The following DLGAP2 variants were observed in gnomAD, a reference collection of about 807,000 sequenced individuals.
The protein encoded by DLGAP2 is DLG associated protein 2, also known as disks large-associated protein 2.
In DLGAP2, 26 loss-of-function variants were observed where a neutral mutation model predicts 100.3. The observed-to-expected ratio is 0.26, with a 90% CI of 0.19 to 0.36. DLGAP2 has a LOEUF of 0.36. DLGAP2 is among the 10% of genes least tolerant of loss of function. DLGAP2 has a pLI of 1.00. For missense variants in DLGAP2, 1,858 were observed against 1,453.2 expected (o/e 1.28, Z -4.53); for synonymous variants, 886 against 630.1 (o/e 1.41, Z -6.08).
intron 2 of DLGAP2, among the ~76,000 whole-genome samples, chr8:1,164,014 G>T (rs1299499057): frequency 6.6e-6 from 1 of 152,194 alleles, no homozygotes; most frequent in Non-Finnish European, 1.5e-5. Flanking sequence ...TTTCTTAGAC[G>T]AGACGCTTTC....
chr8:1,266,734 G>C (rs1440502853), intron 3 of DLGAP2, among the ~76,000 whole-genome samples: 1 of 152,072 alleles, frequency 6.6e-6, no homozygotes, highest in Non-Finnish European at 1.5e-5. Flanking sequence ...GGGGAGTGTT[G>C]AGTGCAGACC....
intron 3 of DLGAP2, among the ~76,000 whole-genome samples, chr8:1,290,317 C>T (rs1800030473): frequency 6.6e-6 from 1 of 152,226 alleles, no homozygotes; most frequent in Admixed American, 6.5e-5. Context: ...TTGTCATTTA[C>T]AACACACCTG....
At chr8:1,084,362 C>G (rs1803905618) in intron 2 of DLGAP2, among the ~76,000 whole-genome samples, 1 of 152,186 alleles carries the variant, frequency 6.6e-6, no homozygotes, top group Non-Finnish European at 1.5e-5. Flanking sequence ...TATCCATTAC[C>G]TCACATATTT....
chr8:1,641,294 A>G (rs968243730), intron 8 of DLGAP2, among the ~76,000 whole-genome samples: 3 of 152,198 alleles, frequency 2.0e-5, no homozygotes, highest in Non-Finnish European at 4.4e-5. Flanking sequence ...TCGGGTGAGA[A>G]CAAATGTGTT....
At chr8:740,330 A>C (rs1265337526) in intron 1 of DLGAP2, 1 of 152,244 alleles carries the variant, frequency 6.6e-6, no homozygotes, top group Non-Finnish European at 1.5e-5. Context: ...GATTGTCCAA[A>C]GTGGTACAGC....
chr8:1,319,843 G>T (rs1461136207), intron 3 of DLGAP2, among the ~76,000 whole-genome samples: 1 of 152,214 alleles, frequency 6.6e-6, no homozygotes, highest in Non-Finnish European at 1.5e-5. Context: ...AGGTCAGGTT[G>T]CTGGAGCACT....
chr8:787,294 C>T lies in DLGAP2; in HGVS notation c.18+49469C>T, dbSNP rs545121916. Reference sequence around the variant, plus strand: ...GACGCGTCTGTTCTCTCACATTTGCCTGTCGATGGTGATACTGACGTTCTG... The same window carrying T: ...GACGCGTCTGTTCTCTCACATTTGCTTGTCGATGGTGATACTGACGTTCTG... On this transcript the variant is annotated intron_variant, in intron 1 of 14. Coordinates refer to ENST00000637795, the MANE Select transcript of DLGAP2 (RefSeq NM_001346810.2). Among the ~76,000 whole-genome samples, 46 of 152,314 alleles carry T rather than the reference C, an allele frequency of 3.0e-4. 1 individual carries two copies. In the Middle Eastern group the frequency reaches 0.01, roughly 34 times the overall value.
intron 3 of DLGAP2, among the ~76,000 whole-genome samples, chr8:1,435,953 A>G (rs1004090998): frequency 2.0e-5 from 3 of 152,358 alleles, no homozygotes; most frequent in Admixed American, 6.5e-5. Context: ...ATATTTGTAC[A>G]GCTGTACAAT....
chr8:801,781 C>T (rs1002498614), intron 1 of DLGAP2, among the ~76,000 whole-genome samples: 3 of 152,154 alleles, frequency 2.0e-5, no homozygotes, highest in Admixed American at 6.5e-5. Context: ...TGTTTCTCTC[C>T]TGGGGGTTCA....
intron 1 of DLGAP2, chr8:891,562 G>C (rs1468708951): frequency 6.6e-6 from 1 of 152,550 alleles, no homozygotes; most frequent in East Asian, 1.9e-4. Flanking sequence ...CTGATCGCAG[G>C]ACTGTTCCAT....
At chr8:1,528,310 C>A (rs189929366) in intron 4 of DLGAP2, among the ~76,000 whole-genome samples, 56 of 152,330 alleles carry the variant, frequency 3.7e-4, no homozygotes, top group African/African-American at 1.3e-3. Flanking sequence ...CCTGAGCCCA[C>A]GAACACTCCT....
chr8:1,157,076 C>T (rs1448070618), intron 2 of DLGAP2, among the ~76,000 whole-genome samples: 1 of 152,160 alleles, frequency 6.6e-6, no homozygotes, highest in African/African-American at 2.4e-5. Context: ...TCGGTGGTGT[C>T]AGTTAATTAC....
At chr8:758,681 A>C (rs1198474599) in intron 1 of DLGAP2, among the ~76,000 whole-genome samples, 2 of 151,504 alleles carry the variant, frequency 1.3e-5, no homozygotes, top group African/African-American at 4.9e-5. Context: ...CCCACCTCAG[A>C]CTCCTGAGTA....
chr8:1,197,640 T>C (rs1268401501), intron 2 of DLGAP2, among the ~76,000 whole-genome samples: 1 of 150,202 alleles, frequency 6.7e-6, no homozygotes, highest in Non-Finnish European at 1.5e-5. Context: ...CATATAAACC[T>C]GAGCCACGCC....
intron 1 of DLGAP2, among the ~76,000 whole-genome samples, chr8:835,159 T>C (rs1796850234): frequency 6.6e-6 from 1 of 152,202 alleles, no homozygotes; most frequent in Non-Finnish European, 1.5e-5. Context: ...CCTCGTCTGG[T>C]ACTATGCACT....
chr8:1,553,096 G>T (rs1801826345), intron 5 of DLGAP2, among the ~76,000 whole-genome samples: 2 of 152,112 alleles, frequency 1.3e-5, no homozygotes, highest in African/African-American at 2.4e-5. Context: ...CCCCGGGAAG[G>T]CTCCTGGCGG....
chr8:906,674 G>A (rs148614803), intron 1 of DLGAP2, among the ~76,000 whole-genome samples: 2,250 of 152,254 alleles, frequency 0.015, 26 homozygotes, highest in Non-Finnish European at 0.021. Context: ...GCCAGCACCT[G>A]ACCCCATGGT....
At chr8:1,550,918 C>T (rs910409748) in intron 5 of DLGAP2, among the ~76,000 whole-genome samples, 23 of 152,204 alleles carry the variant, frequency 1.5e-4, no homozygotes, top group African/African-American at 5.1e-4. Context: ...CTGTGGGCCT[C>T]GCATCAGCTT....
chr8:868,405 G>A (rs535579077), intron 1 of DLGAP2, among the ~76,000 whole-genome samples: 1 of 152,158 alleles, frequency 6.6e-6, no homozygotes, highest in Admixed American at 6.5e-5. Flanking sequence ...ACAGAAAAAT[G>A]AGCCATCTTT....
Sources: gnomAD v4.1 joint callset for allele counts (sites outside exome capture counted in the v4.1 genomes callset) on GRCh38, gnomAD v4.1.1 for gene constraint, MANE v1.5 for transcripts, NCBI Gene and HGNC (gene_info 2026-07-23, HGNC 2026-07-21) for gene names.